The following GABBR2 variants were observed in gnomAD, a reference collection of about 807,000 sequenced individuals.
GABBR2 encodes G-protein coupled receptor 51.
A neutral mutation model predicts 105.6 loss-of-function variants in GABBR2; 23 were observed. The observed-to-expected ratio is 0.22, with a 90% CI of 0.16 to 0.31. The LOEUF (loss-of-function observed/expected upper bound fraction) is 0.31, where lower values mean the gene tolerates loss of function less well. Ranked by LOEUF, GABBR2 falls within the 10% of genes least tolerant of loss-of-function variation. GABBR2 has a pLI of 1.00. For missense variants in GABBR2, 734 were observed against 1,245.5 expected, an observed-to-expected ratio of 0.59 and a Z score of 6.18; for synonymous variants, 478 against 499.7, an observed-to-expected ratio of 0.96 and a Z score of 0.58.
rs1041791146 is a variant in GABBR2 at position 98,473,244 on chromosome 9, G to A, written c.901C>T (p.Arg301Cys). Residue 301 changes from arginine to cysteine, a missense_variant, in exon 6 of 19, where the codon CGC (arginine) becomes TGC (cysteine). Arg to Cys is a radical substitution (Grantham distance 180). This residue lies in a region of GABBR2 where 370 missense variants were observed against 648.9 expected (regional missense o/e 0.57). Coordinates refer to ENST00000259455, the MANE Select transcript of GABBR2 (RefSeq NM_005458.8). ...GCAAGCAGATTCTTCCGGAGGCAGC[G>A]GGATGAGTTGGCTTCCGTGTGCACC... ...EQVHTEANSS[R>C]CLRKNLLAAM... 14 of 1,613,436 alleles carry A rather than the reference G, an allele frequency of 8.7e-6. No individual in the cohort carries two copies. Among genetic ancestry groups the A allele is most frequent in the South Asian group, 5.5e-5 (5 of 91,022 alleles).
chr9:98,707,806 C>T lies in GABBR2; in HGVS notation c.321+611G>A, dbSNP rs34585686. On this transcript the variant is annotated intron_variant, in intron 1 of 18. Transcript: ENST00000259455. ...CTCTGGCCACAGGCAGCGCCGGGCA[C>T]GTCCAGGCAGAAGCGCTGCAGAGCC... is the stretch of plus-strand genomic sequence containing the variant. Among the ~76,000 whole-genome samples, 1,477 of 152,340 alleles carry T rather than the reference C, an allele frequency of 9.7e-3. 9 individuals are homozygous for T. The highest frequency in any genetic ancestry group is 0.017 in the Middle Eastern group (5 of 294).
chr9:98,522,703 C>T (rs1024054283), intron 3 of GABBR2, among the ~76,000 whole-genome samples: 9 of 152,186 alleles, frequency 5.9e-5, no homozygotes, highest in African/African-American at 2.2e-4. Context: ...ACTCATGCCA[C>T]AGAGAGATAA....
intron 14 of GABBR2, among the ~76,000 whole-genome samples, chr9:98,307,277 T>C (rs1830566629): frequency 6.6e-6 from 1 of 152,108 alleles, no homozygotes; most frequent in African/African-American, 2.4e-5. Flanking sequence ...CCAACTATGA[T>C]CTGAAGCAGG....
intron 3 of GABBR2, among the ~76,000 whole-genome samples, chr9:98,500,849 G>A (rs1414595032): frequency 6.6e-6 from 1 of 152,098 alleles, no homozygotes; most frequent in African/African-American, 2.4e-5. Flanking sequence ...CTGAGAACTT[G>A]CTAAAAATGC....
Position 98,501,142 on chromosome 9 carries a change from G to A in GABBR2, c.631-4628C>T, listed in dbSNP as rs1002476162. 2.7e-4 allele frequency among the ~76,000 whole-genome samples: 10 copies of A among 37,314 alleles called. No individual in the cohort carries two copies. In the East Asian group the frequency reaches 7.7e-3, roughly 29 times the overall value. 24.5% of individuals were successfully genotyped at this position (37,314 alleles called of 152,430 possible). On this transcript the variant is annotated intron_variant, in intron 3 of 18. Coordinates refer to ENST00000259455, the MANE Select transcript of GABBR2 (RefSeq NM_005458.8). Reference sequence around the variant, plus strand: ...GAACCACTGCCCCCCCCCCTTCCCCGCCCCCTGCTCCTTTTTTTTTTAATT... The same window carrying A: ...GAACCACTGCCCCCCCCCCTTCCCCACCCCCTGCTCCTTTTTTTTTTAATT...
At chr9:98,558,268 A>G (rs947708599) in intron 2 of GABBR2, among the ~76,000 whole-genome samples, 4 of 152,252 alleles carry the variant, frequency 2.6e-5, no homozygotes, top group Admixed American at 6.5e-5. Context: ...GGCATCCTGT[A>G]TTCTACCTGC....
At chr9:98,338,178 G>A (rs7022627) in intron 13 of GABBR2, among the ~76,000 whole-genome samples, 85,578 of 152,034 alleles carry the variant, frequency 0.56, 24,582 homozygotes, top group African/African-American at 0.67. Context: ...CTTAGAAGAA[G>A]ACATAAGTGT....
At chr9:98,589,628 C>T (rs1429681792) in intron 1 of GABBR2, among the ~76,000 whole-genome samples, 1 of 151,798 alleles carries the variant, frequency 6.6e-6, no homozygotes, top group East Asian at 1.9e-4. Context: ...AAAAAGTGTT[C>T]TCCTATCATT....
intron 1 of GABBR2, among the ~76,000 whole-genome samples, chr9:98,588,767 C>T (rs1829108346): frequency 6.6e-6 from 1 of 152,184 alleles, no homozygotes; most frequent in Non-Finnish European, 1.5e-5. Flanking sequence ...GGTGTGACCA[C>T]CGAGTTTTGG....
At chr9:98,299,759 G>C (rs1461331455) in intron 16 of GABBR2, among the ~76,000 whole-genome samples, 1 of 152,068 alleles carries the variant, frequency 6.6e-6, no homozygotes, top group Non-Finnish European at 1.5e-5. Flanking sequence ...TGTAGAATGG[G>C]GTAATAATAG....
intron 3 of GABBR2, among the ~76,000 whole-genome samples, chr9:98,513,729 A>C (rs1397888810): frequency 1.3e-5 from 2 of 152,192 alleles, no homozygotes; most frequent in African/African-American, 2.4e-5. Context: ...ACCAGTTAGA[A>C]TGGCGATCAT....
In GABBR2 at chr9:98,306,229, G is replaced by C; in HGVS notation, c.2121C>G (p.Ala707=). 1 of 1,614,100 alleles carries C rather than the reference G, an allele frequency of 6.2e-7. No homozygotes were observed. Among genetic ancestry groups the C allele is most frequent in the Non-Finnish European group, 8.5e-7 (1 of 1,179,976 alleles). ...GGTCCCGGGTCAGGAAGGAGACAGC[G>C]GCCCCGATGATGCACATGATCCCCA... ...YNVGIMCIIG[A]AVSFLTRDQP... is the part of the protein sequence containing the mutation. The change falls in exon 15 of 19, where the codon GCC becomes GCG. Residue 707 remains alanine, a synonymous_variant. Coordinates refer to ENST00000259455, the MANE Select transcript of GABBR2 (RefSeq NM_005458.8). This position sits in a 1 kb window ranked among gnomAD's most constrained non-coding sequence, Gnocchi z 5.4.
chr9:98,671,053 A>T (rs10987328), intron 1 of GABBR2, among the ~76,000 whole-genome samples: 19,069 of 152,186 alleles, frequency 0.13, 1,576 homozygotes, highest in Middle Eastern at 0.26. Context: ...ACCCAGACCT[A>T]TTTTTTAAAA....
At chr9:98,428,108 T>C (rs949487559) in intron 7 of GABBR2, among the ~76,000 whole-genome samples, 4 of 152,168 alleles carry the variant, frequency 2.6e-5, no homozygotes, top group African/African-American at 9.7e-5. Flanking sequence ...AGATAACTAA[T>C]ACAGGGCCAC....
chr9:98,708,843 C>A lies in GABBR2; in HGVS notation c.-106G>T. The A allele has an allele frequency of 1.6e-6, 1 of 611,078 alleles. No individual in the cohort carries two copies. Among genetic ancestry groups the A allele is most frequent in the Non-Finnish European group, 2.0e-6 (1 of 488,594 alleles). 37.9% of individuals were successfully genotyped at this position (611,078 alleles called of 1,614,324 possible). Reference sequence around the variant, plus strand: ...CGCGGCGCCCGCGCAATGGCGCCGGCCCGGGCCCCGGCTCCGTCTCGGGCT... The same window carrying A: ...CGCGGCGCCCGCGCAATGGCGCCGGACCGGGCCCCGGCTCCGTCTCGGGCT... On this transcript the variant is annotated 5_prime_UTR_variant, in exon 1 of 19. Transcript: ENST00000259455.
At chr9:98,327,444 A>G (rs73657139) in intron 13 of GABBR2, among the ~76,000 whole-genome samples, 4,906 of 152,248 alleles carry the variant, frequency 0.032, 269 homozygotes, top group African/African-American at 0.11. Context: ...AATATGCTAT[A>G]TATTTTAATT....
chr9:98,303,873 C>T (rs1290464207), intron 15 of GABBR2, among the ~76,000 whole-genome samples: 1 of 152,248 alleles, frequency 6.6e-6, no homozygotes. Context: ...AGCTCTGTCA[C>T]TGACAAAAGC....
chr9:98,426,835 C>T (rs925277063), intron 7 of GABBR2, among the ~76,000 whole-genome samples: 15 of 152,236 alleles, frequency 9.9e-5, no homozygotes, highest in African/African-American at 3.4e-4. Flanking sequence ...AACTCAGTCT[C>T]TACTAAAAAT....
intron 1 of GABBR2, among the ~76,000 whole-genome samples, chr9:98,682,273 AC>A (rs1830559462): frequency 6.6e-6 from 1 of 150,942 alleles, no homozygotes. Context: ...CAAACAAAAA[AC>A]CGTATATTGA....
Sources: gnomAD v4.1 joint callset for allele counts (sites outside exome capture counted in the v4.1 genomes callset) on GRCh38, gnomAD v4.1.1 for gene constraint, gnomAD v4.1.1 regional missense constraint, Gnocchi (gnomAD v3.1) non-coding constraint, MANE v1.5 for transcripts, NCBI Gene and HGNC (gene_info 2026-07-23, HGNC 2026-07-21) for gene names.